The following ADAMTS19 variants were observed in gnomAD, a reference collection of about 807,000 sequenced individuals.
ADAMTS19 encodes the protein ADAM metallopeptidase with thrombospondin type 1 motif 19, also known as A disintegrin and metalloproteinase with thrombospondin motifs 19.
Under a neutral mutation model 153.3 loss-of-function variants are expected in ADAMTS19, and 93 were observed. The observed-to-expected ratio is 0.61, with a 90% CI of 0.51 to 0.72. The LOEUF (loss-of-function observed/expected upper bound fraction) is 0.72. Ranked by LOEUF, ADAMTS19 falls within the 30% of genes least tolerant of loss-of-function variation. ADAMTS19 has a pLI of 0.00. For missense variants in ADAMTS19, 1,482 were observed against 1,552.1 expected (o/e 0.95, Z 0.76); for synonymous variants, 600 against 556.6 (o/e 1.08, Z -1.10).
At chr5:129,571,932 T>C (rs755698353) in intron 7 of ADAMTS19, among the ~76,000 whole-genome samples, 5 of 151,780 alleles carry the variant, frequency 3.3e-5, no homozygotes, top group Non-Finnish European at 5.9e-5. Flanking sequence ...CAAAAAATGG[T>C]GCTTAAAAAA....
chr5:129,710,527 C>G (rs1756399144), intron 21 of ADAMTS19, among the ~76,000 whole-genome samples: 2 of 152,130 alleles, frequency 1.3e-5, no homozygotes, highest in Non-Finnish European at 2.9e-5. Flanking sequence ...AAATGCAAAT[C>G]AAAACCCCAG....
rs58216053 is a variant in ADAMTS19, at chr5:129,634,891, AAG to A, written c.1771-6950_1771-6949del. On this transcript the variant is annotated intron_variant, in intron 10 of 22. Coordinates refer to ENST00000274487, the MANE Select transcript of ADAMTS19 (RefSeq NM_133638.6). ...AGCAATTGCAACAAAAGCAAAATAA[AAG>A]AGAGAGAGAGAGAGAGAAATGGGAT... is the stretch of plus-strand genomic sequence containing the variant. Among the ~76,000 whole-genome samples, 261 of 150,174 alleles carry A rather than the reference AAG, an allele frequency of 1.7e-3. 1 individual carries two copies. The highest frequency in any genetic ancestry group is 6.0e-3 in the African/African-American group (247 of 41,000).
At chr5:129,717,977 T>G (rs1466969049) in intron 21 of ADAMTS19, among the ~76,000 whole-genome samples, 1 of 152,192 alleles carries the variant, frequency 6.6e-6, no homozygotes, top group Non-Finnish European at 1.5e-5. Context: ...AAAAGTTCTC[T>G]CTGGTGGGAA....
chr5:129,461,451 G>A lies in ADAMTS19; in HGVS notation c.441G>A (p.Gln147=). ...CCCCGGGCGCCCCGGCCTCGTGGCA[G>A]CCGCCGCCTCCCCCGCAGCCGCCCC... ...ALSPGAPASW[Q]PPPPPQPPPS... Residue 147 remains glutamine, a synonymous_variant, in exon 2 of 23, where the codon CAG becomes CAA. Coordinates refer to ENST00000274487, the MANE Select transcript of ADAMTS19 (RefSeq NM_133638.6). This position sits in a 1 kb window ranked among gnomAD's most constrained non-coding sequence, Gnocchi z 4.6. 2.1e-6 allele frequency: 3 copies of A among 1,442,756 alleles called. No individual in the cohort carries two copies. In the South Asian group the frequency reaches 4.3e-5, roughly 21 times the overall value. The allele number at this position is 1,442,756 out of a possible 1,614,324, so 89.4% of individuals were successfully genotyped here. A position where few individuals can be genotyped will look rare whatever the true frequency, so the allele number is the denominator to read the frequency against.
chr5:129,643,062 A>G (rs1033683652), intron 11 of ADAMTS19, among the ~76,000 whole-genome samples: 1 of 152,186 alleles, frequency 6.6e-6, no homozygotes, highest in Non-Finnish European at 1.5e-5. Flanking sequence ...TCTATAAGAC[A>G]TGGCTGTTAG....
intron 7 of ADAMTS19, among the ~76,000 whole-genome samples, chr5:129,560,645 C>T (rs1238205520): frequency 1.3e-5 from 2 of 152,056 alleles, no homozygotes; most frequent in Admixed American, 1.3e-4. Context: ...TCAGGTGATT[C>T]GCAACCAGAA....
Position 129,694,812 on chromosome 5 carries a change from G to T in ADAMTS19, c.2911G>T (p.Glu971Ter). The T allele has an allele frequency of 6.2e-7, 1 of 1,604,270 alleles. No individual in the cohort carries two copies. The highest frequency in any genetic ancestry group is 8.5e-7 in the Non-Finnish European group (1 of 1,174,974). The change falls in exon 19 of 23, where the codon GAG becomes TAG. Residue 971 changes from glutamate to a stop codon, truncating the protein, a stop_gained. Coordinates refer to ENST00000274487, the MANE Select transcript of ADAMTS19 (RefSeq NM_133638.6). LOFTEE classifies it high-confidence loss of function. ...GAAATGCAAATACTTAACCAAGCCA[G>T]AGCCACAGATTCGAAAGTGCAATGA... is the stretch of plus-strand genomic sequence containing the variant. The part of the protein sequence containing the change: ...NEKCKYLTKP[E>*]PQIRKCNEQP...
rs1002705294 is a variant in ADAMTS19, at chr5:129,735,101, C to T, written c.3482C>T (p.Pro1161Leu). ...ATTAATGTAAATACCATAACATCACCCAGACTGGGTAAGCAGACAAAAAAA... is the reference window on the plus strand; with the variant it reads ...ATTAATGTAAATACCATAACATCACTCAGACTGGGTAAGCAGACAAAAAAA... ...EKINVNTITS[P>L]RLAALTFKCL... is the part of the protein sequence containing the mutation. The change falls in exon 22 of 23, where the codon CCC becomes CTC. Residue 1161 changes from proline to leucine, a missense_variant. Pro to Leu is a moderately conservative substitution (Grantham distance 98). Transcript: ENST00000274487. 1 of 1,584,798 alleles carries T rather than the reference C, an allele frequency of 6.3e-7. No homozygotes were observed. Among genetic ancestry groups the T allele is most frequent in the Non-Finnish European group, 8.6e-7 (1 of 1,168,892 alleles).
At chr5:129,652,118 T>A (rs1753344011) in intron 13 of ADAMTS19, among the ~76,000 whole-genome samples, 1 of 152,182 alleles carries the variant, frequency 6.6e-6, no homozygotes, top group Non-Finnish European at 1.5e-5. Context: ...TCTTACAAAG[T>A]GATGTATATC....
chr5:129,512,484 T>A (rs1478998901), intron 3 of ADAMTS19, among the ~76,000 whole-genome samples: 1 of 151,944 alleles, frequency 6.6e-6, no homozygotes, highest in Non-Finnish European at 1.5e-5. Context: ...TGCATAATTG[T>A]ACATAATAAA....
chr5:129,546,723 G>A (rs1161409733), intron 6 of ADAMTS19, among the ~76,000 whole-genome samples: 1 of 151,080 alleles, frequency 6.6e-6, no homozygotes, highest in Admixed American at 6.6e-5. Context: ...GATCCTCATT[G>A]GAAGAGATGC....
chr5:129,503,550 A>G (rs1348174443), intron 2 of ADAMTS19, among the ~76,000 whole-genome samples: 1 of 152,230 alleles, frequency 6.6e-6, no homozygotes, highest in East Asian at 1.9e-4. Context: ...TTAAGAAAAT[A>G]AAGCCAGGCT....
chr5:129,622,497 T>A (rs1425197471), intron 10 of ADAMTS19, 149 bp downstream of exon 10: 1 of 883,168 alleles, frequency 1.1e-6, no homozygotes, highest in Non-Finnish European at 1.7e-6. Flanking sequence ...TGTGCATTTT[T>A]TTCTTATACT....
intron 19 of ADAMTS19, among the ~76,000 whole-genome samples, chr5:129,699,290 G>A (rs30299): frequency 0.52 from 79,636 of 151,810 alleles, 23,522 homozygotes; most frequent in Non-Finnish European, 0.66. Context: ...GGGACATGGC[G>A]GGCATGCCCA....
intron 21 of ADAMTS19, among the ~76,000 whole-genome samples, chr5:129,704,777 A>T (rs1756067769): frequency 6.6e-6 from 1 of 152,134 alleles, no homozygotes; most frequent in Admixed American, 6.6e-5. Flanking sequence ...AACCAAATAA[A>T]GGGAACTCAG....
intron 15 of ADAMTS19, among the ~76,000 whole-genome samples, chr5:129,659,799 G>T (rs1418659892): frequency 6.6e-6 from 1 of 151,864 alleles, no homozygotes; most frequent in Non-Finnish European, 1.5e-5. Flanking sequence ...ATGTTCCATA[G>T]ACTGGTCTCA....
At chr5:129,489,646 C>G (rs1750704767) in intron 2 of ADAMTS19, among the ~76,000 whole-genome samples, 1 of 152,068 alleles carries the variant, frequency 6.6e-6, no homozygotes, top group Non-Finnish European at 1.5e-5. Flanking sequence ...GGGAAAAAGA[C>G]TTAGACATTA....
chr5:129,469,013 G>T (rs139836385), intron 2 of ADAMTS19, among the ~76,000 whole-genome samples: 275 of 152,144 alleles, frequency 1.8e-3, no homozygotes, highest in African/African-American at 6.0e-3. Flanking sequence ...CTGACATCAG[G>T]TGATCTGCCC....
chr5:129,664,444 G>C (rs1753946754), intron 15 of ADAMTS19, among the ~76,000 whole-genome samples: 1 of 152,110 alleles, frequency 6.6e-6, no homozygotes, highest in Admixed American at 6.6e-5. Flanking sequence ...GCTTAGTGTT[G>C]CTGAAATGTG....
Sources: allele counts gnomAD v4.1 joint callset (sites outside exome capture counted in the v4.1 genomes callset), GRCh38; gene constraint gnomAD v4.1.1; non-coding constraint Gnocchi (gnomAD v3.1); transcripts MANE v1.5; gene names NCBI Gene and HGNC (gene_info 2026-07-23, HGNC 2026-07-21).